Variants in PVT1 observed in about 807,000 individuals in gnomAD.
The protein encoded by PVT1 is CXCR4/PVT1 fusion.
intron 4 of PVT1, among the ~76,000 whole-genome samples, chr8:128,046,157 G>T (rs956206623): frequency 5.3e-5 from 8 of 152,188 alleles, no homozygotes; most frequent in African/African-American, 1.7e-4. Context: ...CCTTTCAGAA[G>T]AAATGACAAT....
At chr8:127,931,502 T>C (rs1328090851) in intron 3 of PVT1, among the ~76,000 whole-genome samples, 1 of 152,272 alleles carries the variant, frequency 6.6e-6, no homozygotes, top group East Asian at 1.9e-4. Flanking sequence ...GTGTGTATGA[T>C]TCTACTTCAT....
intron 2 of PVT1, among the ~76,000 whole-genome samples, chr8:127,880,616 TC>T (rs1222319589): frequency 1.6e-5 from 2 of 123,390 alleles, no homozygotes; most frequent in African/African-American, 3.0e-5. Context: ...TTTTTTTTTT[TC>T]CGAGATGGAG....
At chr8:128,020,715 C>G (rs1401265856) in intron 4 of PVT1, among the ~76,000 whole-genome samples, 3 of 152,184 alleles carry the variant, frequency 2.0e-5, no homozygotes, top group African/African-American at 7.2e-5. Context: ...CTAAGGAGCA[C>G]TGAGGTAATT....
At chr8:127,805,998 A>G (rs904485476) in intron 2 of PVT1, among the ~76,000 whole-genome samples, 1 of 152,234 alleles carries the variant, frequency 6.6e-6, no homozygotes, top group African/African-American at 2.4e-5. Flanking sequence ...CAAAAACTGC[A>G]ATGGTATTAA....
intron 4 of PVT1, among the ~76,000 whole-genome samples, chr8:128,037,533 C>G (rs1396871241): frequency 6.6e-6 from 1 of 152,196 alleles, no homozygotes; most frequent in African/African-American, 2.4e-5. Flanking sequence ...CTTGAAGCAT[C>G]TGGCCTGTAA....
intron 3 of PVT1, among the ~76,000 whole-genome samples, chr8:127,968,524 G>T (rs1490226849): frequency 1.3e-5 from 2 of 152,148 alleles, no homozygotes; most frequent in Non-Finnish European, 2.9e-5. Flanking sequence ...TGCCACCAGG[G>T]ACGCAGGATT....
intron 5 of PVT1, among the ~76,000 whole-genome samples, chr8:128,093,035 A>C (rs570415926): frequency 3.9e-5 from 6 of 152,344 alleles, no homozygotes; most frequent in Non-Finnish European, 7.3e-5. Context: ...CCGCATCTGG[A>C]ATAATATATA....
rs535558081 is a variant in PVT1 at position 128,048,879 on chromosome 8, A to G, written n.913-21281A>G. Reference sequence around the variant, plus strand: ...CAGGTGTCTCATCCTTCCCAGGGAAAAATCCCCATGCCAAGTCAGAAGAGG... The same window carrying G: ...CAGGTGTCTCATCCTTCCCAGGGAAGAATCCCCATGCCAAGTCAGAAGAGG... On this transcript the variant is annotated intron_variant and non_coding_transcript_variant, in intron 4 of 10. Coordinates refer to ENST00000651587, the Ensembl canonical transcript of PVT1. Among the ~76,000 whole-genome samples, 15 of 152,318 alleles carry G rather than the reference A, an allele frequency of 9.8e-5. 1 individual carries two copies. The South Asian group carries it at 3.1e-3, about 32-fold the overall frequency.
chr8:127,820,522 G>T (rs1286356753), intron 2 of PVT1, among the ~76,000 whole-genome samples: 1 of 152,098 alleles, frequency 6.6e-6, no homozygotes, highest in African/African-American at 2.4e-5. Context: ...GGAATGCCAA[G>T]GGGAGGTGTA....
chr8:127,919,282 A>G (rs1358178659), intron 3 of PVT1, among the ~76,000 whole-genome samples: 2 of 152,210 alleles, frequency 1.3e-5, no homozygotes, highest in African/African-American at 4.8e-5. Context: ...GAGAAGCTGA[A>G]AATTCTCGGC....
At chr8:127,815,572 T>A (rs956658970) in intron 2 of PVT1, among the ~76,000 whole-genome samples, 1 of 152,128 alleles carries the variant, frequency 6.6e-6, no homozygotes, top group Non-Finnish European at 1.5e-5. Flanking sequence ...TAGATGCTGC[T>A]TTTCCACTTT....
chr8:127,837,282 C>G (rs1449454603), intron 2 of PVT1, among the ~76,000 whole-genome samples: 1 of 151,960 alleles, frequency 6.6e-6, no homozygotes, highest in Admixed American at 6.6e-5. Flanking sequence ...TCTTTCTGGC[C>G]GGGCTGCAGG....
At chr8:127,872,926 A>C (rs1457288600) in intron 2 of PVT1, among the ~76,000 whole-genome samples, 1 of 152,202 alleles carries the variant, frequency 6.6e-6, no homozygotes, top group Non-Finnish European at 1.5e-5. Context: ...ATCCAGATAC[A>C]TTAAAGCAAA....
intron 2 of PVT1, among the ~76,000 whole-genome samples, chr8:127,832,499 A>G (rs924594641): frequency 4.6e-5 from 7 of 152,238 alleles, no homozygotes; most frequent in Non-Finnish European, 2.9e-5. Context: ...GATTTAGCAA[A>G]TAAGCATTCT....
At chr8:128,010,433 G>T (rs897209544) in intron 4 of PVT1, 1 of 152,160 alleles carries the variant, frequency 6.6e-6, no homozygotes, top group Non-Finnish European at 1.5e-5. Flanking sequence ...ATCAAGACCT[G>T]GGATTTTGGT....
At chr8:127,980,535 G>T (rs1002737649) in intron 3 of PVT1, among the ~76,000 whole-genome samples, 2 of 152,060 alleles carry the variant, frequency 1.3e-5, no homozygotes, top group African/African-American at 4.8e-5. Flanking sequence ...ATGGATATGG[G>T]ATGTTTTCTC....
chr8:127,798,912 A>G lies in PVT1; in HGVS notation n.372+2841A>G, dbSNP rs377594835. Among the ~76,000 whole-genome samples the G allele has an allele frequency of 1.1e-4, 17 of 152,182 alleles. No homozygotes were observed. The East Asian group carries it at 2.1e-3, about 19-fold the overall frequency. On this transcript the variant is annotated intron_variant and non_coding_transcript_variant, in intron 2 of 10. Coordinates refer to ENST00000651587, the Ensembl canonical transcript of PVT1. ...CCGCCTCGGTCTTTGTGCAAAATCTATAATCATTTGCAAGAGGCTGCAATC... is the reference window on the plus strand; with the variant it reads ...CCGCCTCGGTCTTTGTGCAAAATCTGTAATCATTTGCAAGAGGCTGCAATC...
At chr8:127,843,372 A>G (rs1391441169) in intron 2 of PVT1, among the ~76,000 whole-genome samples, 1 of 152,164 alleles carries the variant, frequency 6.6e-6, no homozygotes, top group Non-Finnish European at 1.5e-5. Flanking sequence ...CAAAACAGGT[A>G]ATATGGTTGG....
intron 2 of PVT1, among the ~76,000 whole-genome samples, chr8:127,807,968 CTG>C (rs761611026): frequency 5.9e-5 from 9 of 152,104 alleles, no homozygotes; most frequent in Non-Finnish European, 1.3e-4. Flanking sequence ...CGGGGTTTCA[CTG>C]TGTTAGCCAG....
Sources: allele counts gnomAD v4.1 joint callset (sites outside exome capture counted in the v4.1 genomes callset), GRCh38; gene constraint gnomAD v4.1.1; transcripts MANE v1.5; gene names NCBI Gene and HGNC (gene_info 2026-07-23, HGNC 2026-07-21).